DAB1: variants seen among roughly 807,000 people sequenced by gnomAD.
DAB1 encodes disabled homolog 1.
Under a neutral mutation model 64.6 loss-of-function variants are expected in DAB1, and 15 were observed. The ratio of observed to expected loss-of-function variants is 0.23; its 90% CI spans 0.16 to 0.36. The LOEUF (loss-of-function observed/expected upper bound fraction) is 0.36, where lower values mean the gene tolerates loss of function less well. Ranked by LOEUF, DAB1 falls within the 10% of genes least tolerant of loss-of-function variation. The pLI is 1.00. For missense variants in DAB1, 596 were observed against 706.7 expected (o/e 0.84, Z 1.78); for synonymous variants, 235 against 251.9 (o/e 0.93, Z 0.64).
chr1:57,278,596 G>C (rs1314420428), intron 2 of DAB1, among the ~76,000 whole-genome samples: 1 of 152,184 alleles, frequency 6.6e-6, no homozygotes, highest in Non-Finnish European at 1.5e-5. Context: ...TTCTGAGGAG[G>C]AGCTCTATGG....
At chr1:57,278,014 T>C (rs925236761) in intron 2 of DAB1, among the ~76,000 whole-genome samples, 6 of 152,194 alleles carry the variant, frequency 3.9e-5, no homozygotes, top group African/African-American at 1.4e-4. Context: ...AATGATGACA[T>C]ATAAATCCTT....
intron 5 of DAB1, among the ~76,000 whole-genome samples, chr1:58,021,170 GA>G (rs1339128999): frequency 6.6e-6 from 1 of 152,254 alleles, no homozygotes; most frequent in East Asian, 1.9e-4. Flanking sequence ...AGGGCTTAGA[GA>G]AAAGACTGGT....
chr1:57,711,489 A>G (rs966521503), intron 6 of DAB1, among the ~76,000 whole-genome samples: 1 of 152,194 alleles, frequency 6.6e-6, no homozygotes, highest in Non-Finnish European at 1.5e-5. Context: ...CCAGGGGAAT[A>G]GGAGTGAAAC....
chr1:57,066,722 C>T (rs928664272), intron 8 of DAB1, among the ~76,000 whole-genome samples: 2 of 152,176 alleles, frequency 1.3e-5, no homozygotes, highest in African/African-American at 4.8e-5. Flanking sequence ...GGGAAACTCA[C>T]GTTTACACAG....
intron 5 of DAB1, among the ~76,000 whole-genome samples, chr1:57,972,614 G>C (rs892689679): frequency 8.5e-5 from 13 of 152,062 alleles, no homozygotes; most frequent in African/African-American, 3.1e-4. Flanking sequence ...ACTTTCAAAG[G>C]GTATAAGTAA....
chr1:57,553,442 GAGAA>G lies in DAB1; in HGVS notation n.625+96146_625+96149del, dbSNP rs767173407. Among the ~76,000 whole-genome samples, 2 of 68,152 alleles carry G rather than the reference GAGAA, an allele frequency of 2.9e-5. 1 individual carries two copies. The highest frequency in any genetic ancestry group is 1.3e-4 in the African/African-American group (2 of 15,942). The allele number at this position is 68,152 out of a possible 152,430, so 44.7% of individuals were successfully genotyped here. On this transcript the variant is annotated intron_variant and non_coding_transcript_variant, in intron 7 of 20. Coordinates refer to the DAB1 transcript ENST00000485760. ...AGAAAGAAAGAAAGAAAGAAAGAAA[GAGAA>G]AGAAAGAAAGAAAGAGAAAGGGAAA...
At chr1:58,308,881 T>C (rs1419114140) in intron 4 of DAB1, among the ~76,000 whole-genome samples, 1 of 152,198 alleles carries the variant, frequency 6.6e-6, no homozygotes, top group Non-Finnish European at 1.5e-5. Context: ...AAGGTCTACC[T>C]GGTCAAATCT....
At chr1:57,782,961 G>C (rs1161687599) in intron 6 of DAB1, among the ~76,000 whole-genome samples, 1 of 149,920 alleles carries the variant, frequency 6.7e-6, no homozygotes, top group Non-Finnish European at 1.5e-5. Context: ...GTTGAAAATA[G>C]TCCATTTTCT....
At chr1:58,318,438 G>T (rs1557730111) in intron 4 of DAB1, among the ~76,000 whole-genome samples, 1 of 152,206 alleles carries the variant, frequency 6.6e-6, no homozygotes, top group Non-Finnish European at 1.5e-5. Flanking sequence ...AGTGAGGACG[G>T]GCTGACTCTA....
intron 1 of DAB1, among the ~76,000 whole-genome samples, chr1:57,322,745 T>C (rs538196620): frequency 6.6e-6 from 1 of 152,320 alleles, no homozygotes; most frequent in South Asian, 2.1e-4. Flanking sequence ...TATATGAAGA[T>C]GACAGTACCA....
chr1:58,157,257 C>T (rs1655275596), intron 4 of DAB1, among the ~76,000 whole-genome samples: 1 of 152,198 alleles, frequency 6.6e-6, no homozygotes, highest in South Asian at 2.1e-4. Context: ...TTCAGCCCCC[C>T]TCTGCTGAAA....
At chr1:57,701,063 G>A (rs1043536539) in intron 6 of DAB1, among the ~76,000 whole-genome samples, 1 of 151,994 alleles carries the variant, frequency 6.6e-6, no homozygotes, top group Non-Finnish European at 1.5e-5. Context: ...AACAGGTGCT[G>A]GAGAGGATGT....
At chr1:58,077,142 A>C (rs533389593) in intron 5 of DAB1, among the ~76,000 whole-genome samples, 6 of 152,252 alleles carry the variant, frequency 3.9e-5, no homozygotes, top group African/African-American at 1.4e-4. Context: ...ATAAAAAAAA[A>C]CAATAACAAT....
chr1:58,486,094 TCTAAA>T (rs1645571888), intron 3 of DAB1, among the ~76,000 whole-genome samples: 1 of 152,190 alleles, frequency 6.6e-6, no homozygotes, highest in Admixed American at 6.5e-5. Context: ...ATTTTACACA[TCTAAA>T]TTGACATTGG....
intron 4 of DAB1, among the ~76,000 whole-genome samples, chr1:57,134,325 C>G (rs1418380318): frequency 1.3e-5 from 2 of 152,082 alleles, no homozygotes; most frequent in Non-Finnish European, 2.9e-5. Context: ...TGGCTCATGC[C>G]TGTAATCCCA....
intron 2 of DAB1, among the ~76,000 whole-genome samples, chr1:57,152,806 T>C (rs1362543172): frequency 6.6e-6 from 1 of 152,216 alleles, no homozygotes; most frequent in Non-Finnish European, 1.5e-5. Context: ...AGCAACATTA[T>C]GTGGTGGTTG....
chr1:58,410,898 A>G (rs1296132417), intron 3 of DAB1, among the ~76,000 whole-genome samples: 2 of 152,230 alleles, frequency 1.3e-5, no homozygotes, highest in Non-Finnish European at 2.9e-5. Flanking sequence ...ACTCCACCGT[A>G]CATGACACTG....
intron 3 of DAB1, among the ~76,000 whole-genome samples, chr1:58,432,620 A>G (rs531934123): frequency 1.9e-4 from 29 of 152,212 alleles, no homozygotes; most frequent in Non-Finnish European, 2.9e-4. Flanking sequence ...GGAAGTATTT[A>G]CTTGCCTGCT....
chr1:57,679,323 G>T (rs1344248258), intron 6 of DAB1, among the ~76,000 whole-genome samples: 1 of 152,104 alleles, frequency 6.6e-6, no homozygotes, highest in Non-Finnish European at 1.5e-5. Flanking sequence ...AATCAGAAAA[G>T]GTTCTGTACA....
Sources: allele counts gnomAD v4.1 joint callset (sites outside exome capture counted in the v4.1 genomes callset), GRCh38; gene constraint gnomAD v4.1.1; transcripts MANE v1.5; gene names NCBI Gene and HGNC (gene_info 2026-07-23, HGNC 2026-07-21).